The following SLCO6A1 variants were observed in gnomAD, a reference collection of about 807,000 sequenced individuals.
The protein encoded by SLCO6A1 is solute carrier organic anion transporter family member 6A1.
In SLCO6A1, 65 loss-of-function variants were observed where a neutral mutation model predicts 72.7. That is an observed-to-expected ratio of 0.89 (90% CI 0.73 to 1.10). The LOEUF is 1.10. SLCO6A1 is among the 50% of genes least tolerant of loss of function. The pLI, the probability that SLCO6A1 is intolerant of heterozygous loss-of-function variation, is 0.00. For synonymous variants in SLCO6A1, 314 were observed against 298.2 expected (o/e 1.05, Z -0.55); for missense variants, 874 against 872.6 (o/e 1.00, Z -0.02).
intron 12 of SLCO6A1, among the ~76,000 whole-genome samples, chr5:102,380,262 A>C (rs549622234): frequency 6.9e-6 from 1 of 144,636 alleles, no homozygotes; most frequent in African/African-American, 2.4e-5. Flanking sequence ...AAAATGGCAA[A>C]CTAAGAAACA....
chr5:102,377,316 A>G (rs1041058680), intron 12 of SLCO6A1, among the ~76,000 whole-genome samples: 1 of 152,208 alleles, frequency 6.6e-6, no homozygotes, highest in African/African-American at 2.4e-5. Flanking sequence ...GCACAAGCTA[A>G]TGCTGTAGAA....
intron 6 of SLCO6A1, among the ~76,000 whole-genome samples, chr5:102,456,312 A>C (rs977130172): frequency 1.3e-5 from 2 of 152,170 alleles, no homozygotes; most frequent in East Asian, 3.9e-4. Flanking sequence ...GAGGAAGTCA[A>C]ATTGTCCCTG....
intron 12 of SLCO6A1, among the ~76,000 whole-genome samples, chr5:102,386,893 C>T (rs953282329): frequency 1.3e-5 from 2 of 152,198 alleles, no homozygotes; most frequent in African/African-American, 2.4e-5. Context: ...CATTCCTTCA[C>T]ATGGAGGGTA....
At chr5:102,398,467 C>T (rs753360984) in intron 10 of SLCO6A1, among the ~76,000 whole-genome samples, 1 of 152,106 alleles carries the variant, frequency 6.6e-6, no homozygotes, top group East Asian at 1.9e-4. Flanking sequence ...AGTGAGCCAC[C>T]GCGCCTGGCC....
chr5:102,454,212 C>T (rs1750582588), intron 6 of SLCO6A1, among the ~76,000 whole-genome samples: 1 of 152,098 alleles, frequency 6.6e-6, no homozygotes, highest in South Asian at 2.1e-4. Context: ...CTAGATCAAC[C>T]ACCTCAAGTG....
Position 102,482,959 on chromosome 5 carries a change from A to G in SLCO6A1, c.359-2525T>C, listed in dbSNP as rs187805183. 3.9e-5 allele frequency among the ~76,000 whole-genome samples: 6 copies of G among 152,320 alleles called. No homozygotes were observed. In the East Asian group the frequency reaches 9.6e-4, roughly 24 times the overall value. ...CTAGATTATATTGACTCTTCCTGGT[A>G]GCAAGGCAGGCATTCAGCAGTGCAA... On this transcript the variant is annotated intron_variant, in intron 1 of 13. Coordinates refer to ENST00000506729, the MANE Select transcript of SLCO6A1 (RefSeq NM_173488.5).
At chr5:102,459,000 C>T (rs923805544) in intron 5 of SLCO6A1, among the ~76,000 whole-genome samples, 3 of 152,058 alleles carry the variant, frequency 2.0e-5, no homozygotes, top group Admixed American at 1.3e-4. Context: ...GTAGTCAATA[C>T]ATTAAATGCT....
intron 9 of SLCO6A1, among the ~76,000 whole-genome samples, chr5:102,404,359 G>C (rs1170103096): frequency 6.6e-6 from 1 of 152,080 alleles, no homozygotes; most frequent in Non-Finnish European, 1.5e-5. Flanking sequence ...GCCAGGTGTG[G>C]TGACAGGCAC....
chr5:102,374,262 T>C (rs1745653595), intron 12 of SLCO6A1, among the ~76,000 whole-genome samples: 1 of 152,148 alleles, frequency 6.6e-6, no homozygotes, highest in Admixed American at 6.5e-5. Context: ...TGCCTTCAAA[T>C]CCCAAAGTAC....
intron 6 of SLCO6A1, among the ~76,000 whole-genome samples, chr5:102,451,805 A>C (rs1750433016): frequency 6.6e-6 from 1 of 152,204 alleles, no homozygotes; most frequent in African/African-American, 2.4e-5. Flanking sequence ...TTGATAAGCT[A>C]GTGTTTACTT....
intron 13 of SLCO6A1, 82 bp downstream of exon 13, chr5:102,373,254 TA>T: frequency 1.2e-6 from 1 of 863,726 alleles, no homozygotes; most frequent in Non-Finnish European, 1.5e-6. Flanking sequence ...GCACATTTGT[TA>T]AACATGTAAT....
intron 9 of SLCO6A1, among the ~76,000 whole-genome samples, chr5:102,402,919 A>G (rs1747477057): frequency 1.3e-5 from 2 of 152,204 alleles, no homozygotes; most frequent in African/African-American, 4.8e-5. Flanking sequence ...TTTCTAAGTT[A>G]CTAATATAGG....
intron 7 of SLCO6A1, among the ~76,000 whole-genome samples, chr5:102,434,585 TA>T (rs1227323151): frequency 6.6e-6 from 1 of 152,180 alleles, no homozygotes; most frequent in Non-Finnish European, 1.5e-5. Flanking sequence ...GTTAACTTGT[TA>T]GCTTACAGAT....
chr5:102,443,874 G>T (rs1388600139), intron 6 of SLCO6A1, among the ~76,000 whole-genome samples: 1 of 152,174 alleles, frequency 6.6e-6, no homozygotes, highest in Non-Finnish European at 1.5e-5. Context: ...TCTGACAGAT[G>T]TTGACATAAA....
intron 5 of SLCO6A1, 109 bp downstream of exon 5, chr5:102,459,547 G>T: frequency 8.1e-7 from 1 of 1,227,942 alleles, no homozygotes; most frequent in Non-Finnish European, 1.1e-6. Flanking sequence ...ACTACAGCGA[G>T]AGGCATACTC....
At chr5:102,378,866 C>A (rs985356828) in intron 12 of SLCO6A1, among the ~76,000 whole-genome samples, 16 of 152,098 alleles carry the variant, frequency 1.1e-4, no homozygotes, top group African/African-American at 3.9e-4. Context: ...ACTGCAACCT[C>A]TGCCTCCTGG....
At chr5:102,426,698 G>A (rs1014959202) in intron 7 of SLCO6A1, among the ~76,000 whole-genome samples, 19 of 152,166 alleles carry the variant, frequency 1.2e-4, no homozygotes, top group African/African-American at 4.3e-4. Flanking sequence ...AATCATTGCG[G>A]AAAACAGTGT....
intron 4 of SLCO6A1, among the ~76,000 whole-genome samples, chr5:102,464,158 C>CAA (rs145139676): frequency 6.7e-6 from 1 of 148,236 alleles, no homozygotes; most frequent in African/African-American, 2.5e-5. Context: ...ATTCAGGTAA[C>CAA]AAAAAAAAAC....
chr5:102,490,667 G>A (rs1580525833), intron 1 of SLCO6A1, among the ~76,000 whole-genome samples: 2 of 152,106 alleles, frequency 1.3e-5, no homozygotes, highest in Admixed American at 6.6e-5. Context: ...GTGGGTTCGT[G>A]GTCTCCCTGG....
Sources: allele counts gnomAD v4.1 joint callset (sites outside exome capture counted in the v4.1 genomes callset), GRCh38; gene constraint gnomAD v4.1.1; transcripts MANE v1.5; gene names NCBI Gene and HGNC (gene_info 2026-07-23, HGNC 2026-07-21).